Variants in PROM1 observed in about 807,000 individuals in gnomAD.
PROM1 encodes prominin 1.
In PROM1, 105 loss-of-function variants were observed where a neutral mutation model predicts 116.9. That is an observed-to-expected ratio of 0.90 (90% CI 0.77 to 1.06). The LOEUF (loss-of-function observed/expected upper bound fraction) is 1.06, where lower values mean the gene tolerates loss of function less well. PROM1 is among the 50% of genes least tolerant of loss of function. The pLI is 0.00. For missense variants in PROM1, 1,122 were observed against 1,045.2 expected, an observed-to-expected ratio of 1.07 and a Z score of -1.01; for synonymous variants, 393 against 387.0, an observed-to-expected ratio of 1.02 and a Z score of -0.18.
At chr4:15,989,130 T>A (rs1720275083) in intron 19 of PROM1, among the ~76,000 whole-genome samples, 1 of 152,122 alleles carries the variant, frequency 6.6e-6, no homozygotes, top group African/African-American at 2.4e-5. Context: ...ATCCCAACAT[T>A]TTTAGATGAG....
intron 5 of PROM1, among the ~76,000 whole-genome samples, chr4:16,028,574 G>A (rs990582022): frequency 8.6e-5 from 13 of 151,990 alleles, no homozygotes; most frequent in African/African-American, 2.9e-4. Context: ...CACAAATAAA[G>A]AACAAAGAAA....
intron 2 of PROM1, among the ~76,000 whole-genome samples, chr4:16,056,918 G>T (rs941861745): frequency 1.3e-5 from 2 of 152,218 alleles, no homozygotes; most frequent in Non-Finnish European, 2.9e-5. Flanking sequence ...GTCAGAAGGG[G>T]ACAGATTTGA....
intron 5 of PROM1, among the ~76,000 whole-genome samples, chr4:16,029,615 T>A (rs1290852048): frequency 6.6e-6 from 1 of 152,216 alleles, no homozygotes. Flanking sequence ...AGATTGCACA[T>A]CTGCTAGGGC....
rs1008607660 is a variant in PROM1 at position 16,018,384 on chromosome 4, T to G, written c.941A>C (p.Glu314Ala). 2 of 1,613,848 alleles carry G rather than the reference T, an allele frequency of 1.2e-6. No homozygotes were observed. Among genetic ancestry groups the G allele is most frequent in the Admixed American group, 3.3e-5 (2 of 60,024 alleles). Reference protein sequence around the residue: ...DPLCLVHPSSETCNSIRLSLS... With the variant: ...DPLCLVHPSSATCNSIRLSLS... ...AGACAATCTGATGCTGTTGCAGGTT[T>G]CACTTGATGGATGCACCAAGCACAG... The change falls in exon 9 of 28, where the codon GAA becomes GCA. Residue 314 changes from glutamate to alanine, a missense_variant. Glu to Ala is a moderately radical substitution (Grantham distance 107). Transcript: ENST00000447510.
intron 15 of PROM1, among the ~76,000 whole-genome samples, chr4:15,997,275 G>A (rs973769608): frequency 9.1e-6 from 1 of 109,728 alleles, no homozygotes; most frequent in Non-Finnish European, 1.9e-5. Context: ...ATATATATTC[G>A]TTCATTCATA....
intron 2 of PROM1, among the ~76,000 whole-genome samples, chr4:16,048,338 T>TA (rs763326670): frequency 6.6e-6 from 1 of 152,228 alleles, no homozygotes; most frequent in Non-Finnish European, 1.5e-5. Context: ...ACCTGAGTGA[T>TA]ATGCATTGAA....
intron 18 of PROM1, 130 bp from the exon 19 acceptor site, chr4:15,989,954 G>T: frequency 1.4e-6 from 1 of 704,112 alleles, no homozygotes; most frequent in Middle Eastern, 3.1e-4. Flanking sequence ...CTGTGAGTGG[G>T]CATGGGGGCT....
rs190127763 is a variant in PROM1 at position 16,062,186 on chromosome 4, C to A, written c.220+13501G>T. Reference sequence around the variant, plus strand: ...GATTACAGGCGTGAGCCACCGCACCCGGCCACAAATTTCCCTTTTAAGAAG... The same window carrying A: ...GATTACAGGCGTGAGCCACCGCACCAGGCCACAAATTTCCCTTTTAAGAAG... On this transcript the variant is annotated intron_variant, in intron 2 of 27. Coordinates refer to ENST00000447510, the MANE Select transcript of PROM1 (RefSeq NM_006017.3). Among the ~76,000 whole-genome samples, 476 of 152,238 alleles carry A rather than the reference C, an allele frequency of 3.1e-3. 2 individuals are homozygous for A. The highest frequency in any genetic ancestry group is 0.011 in the African/African-American group (445 of 41,532).
intron 2 of PROM1, among the ~76,000 whole-genome samples, chr4:16,041,760 A>G (rs1735285600): frequency 7.2e-5 from 1 of 13,806 alleles, no homozygotes; most frequent in African/African-American, 3.2e-4. Context: ...ATAAATAAAT[A>G]AATAAATAAA....
At chr4:16,012,764 A>G (rs947387092) in intron 11 of PROM1, among the ~76,000 whole-genome samples, 3 of 149,496 alleles carry the variant, frequency 2.0e-5, no homozygotes, top group Non-Finnish European at 4.4e-5. Context: ...CCAGCTACTC[A>G]GGAGGCTGAG....
At chr4:16,075,091 G>A (rs749335083) in intron 2 of PROM1, among the ~76,000 whole-genome samples, 2 of 152,068 alleles carry the variant, frequency 1.3e-5, no homozygotes, top group Non-Finnish European at 2.9e-5. Context: ...TTAAGAAGGC[G>A]AAAATGACAA....
intron 24 of PROM1, 177 bp downstream of exon 24, chr4:15,980,245 A>G (rs1027121488): frequency 1.5e-6 from 1 of 655,122 alleles, no homozygotes; most frequent in Non-Finnish European, 2.7e-6. Flanking sequence ...AAACAAGTAT[A>G]GAAAAATCAG....
chr4:15,995,626 A>T (rs997305518), intron 15 of PROM1, among the ~76,000 whole-genome samples: 2 of 152,118 alleles, frequency 1.3e-5, no homozygotes, highest in East Asian at 3.9e-4. Context: ...AAAAGCTCCC[A>T]AAGAGTAGCC....
At chr4:15,998,267 C>G in intron 15 of PROM1, 118 bp downstream of exon 15, 1 of 1,383,144 alleles carries the variant, frequency 7.2e-7, no homozygotes, top group East Asian at 2.8e-5. Context: ...TACAGGACAG[C>G]TTATCTCTGA....
intron 12 of PROM1, 30 bp from the exon 13 acceptor site, chr4:16,006,720 A>G (rs1396266460): frequency 6.2e-7 from 1 of 1,606,910 alleles, no homozygotes; most frequent in Non-Finnish European, 8.5e-7. Flanking sequence ...GTTAGTATAC[A>G]TGACACAGGT....
intron 4 of PROM1, among the ~76,000 whole-genome samples, chr4:16,034,889 T>C (rs1038981691): frequency 2.6e-5 from 4 of 152,136 alleles, no homozygotes; most frequent in African/African-American, 9.7e-5. Flanking sequence ...CATAAACATA[T>C]TGTGAGGGAC....
intron 10 of PROM1, among the ~76,000 whole-genome samples, chr4:16,015,078 G>A (rs945853089): frequency 2.6e-5 from 4 of 152,240 alleles, no homozygotes; most frequent in African/African-American, 9.6e-5. Context: ...GGGCGTGACG[G>A]CTCATGCCTG....
In PROM1 at chr4:16,009,033, A is replaced by T. The variant is rs968149170; in HGVS notation, c.1217T>A (p.Leu406His). 1.2e-6 allele frequency: 2 copies of T among 1,601,854 alleles called. No individual in the cohort carries two copies. Among genetic ancestry groups the T allele is most frequent in the Non-Finnish European group, 8.6e-7 (1 of 1,169,116 alleles). ...ATTAACATAAACAGAGAATGCTGAG[A>T]GTATATCCTGAATAGGAAGACGCTG... ...VTQRLPIQDI[L>H]SAFSVYVNNT... The change falls in exon 12 of 28, where the codon CTC becomes CAC. Residue 406 changes from leucine to histidine, a missense_variant. By Grantham distance (99) the Leu-to-His change is moderately conservative (BLOSUM62 -3). Coordinates refer to ENST00000447510, the MANE Select transcript of PROM1 (RefSeq NM_006017.3).
chr4:16,027,297 AAC>A (rs144910885), intron 5 of PROM1, among the ~76,000 whole-genome samples: 131 of 146,930 alleles, frequency 8.9e-4, no homozygotes, highest in Middle Eastern at 3.4e-3. Context: ...GTGAAGAAGA[AAC>A]ACACACACAC....
Sources: gnomAD v4.1 joint callset for allele counts (sites outside exome capture counted in the v4.1 genomes callset) on GRCh38, gnomAD v4.1.1 for gene constraint, MANE v1.5 for transcripts, NCBI Gene and HGNC (gene_info 2026-07-23, HGNC 2026-07-21) for gene names.